RUNX1T1: variants seen among roughly 807,000 people sequenced by gnomAD.
RUNX1T1 encodes protein CBFA2T1.
In RUNX1T1, 4 loss-of-function variants were observed where a neutral mutation model predicts 62.8. The observed-to-expected ratio is 0.06, with a 90% CI of 0.03 to 0.15. RUNX1T1 has a LOEUF of 0.15. Ranked by LOEUF, RUNX1T1 falls within the 10% of genes least tolerant of loss-of-function variation. The probability of loss-of-function intolerance (pLI) is 1.00; values close to 1 mark genes in which losing one functional copy is unlikely to be tolerated. For synonymous variants in RUNX1T1, 291 were observed against 286.0 expected, an observed-to-expected ratio of 1.02 and a Z score of -0.18; for missense variants, 508 against 754.3, an observed-to-expected ratio of 0.67 and a Z score of 3.82.
chr8:92,099,490 GATGA>G (rs1837941719), intron 1 of RUNX1T1: 1 of 245,822 alleles, frequency 4.1e-6, no homozygotes, highest in Non-Finnish European at 6.5e-6. Flanking sequence ...ATCACTATAT[GATGA>G]ATAAGGTGTC....
intron 1 of RUNX1T1, among the ~76,000 whole-genome samples, chr8:92,033,510 C>A (rs2131330076): frequency 6.6e-6 from 1 of 152,238 alleles, no homozygotes; most frequent in Middle Eastern, 3.4e-3. Flanking sequence ...TCAGGCCAGG[C>A]ACAGTGGCTC....
Position 91,994,015 on chromosome 8 carries a change from A to C in RUNX1T1, c.660-2126T>G, listed in dbSNP as rs370915838. Among the ~76,000 whole-genome samples, 702 of 152,126 alleles carry C rather than the reference A, an allele frequency of 4.6e-3. 6 individuals carry two copies. The highest frequency in any genetic ancestry group is 0.015 in the African/African-American group (610 of 41,490). On this transcript the variant is annotated intron_variant, in intron 5 of 10. Coordinates refer to ENST00000396218, the Ensembl canonical transcript of RUNX1T1. Reference sequence around the variant, plus strand: ...CTTAAAACAACAACAACAACAACAAAAAAACTGAGGGTAAATCTGCAGAGC... The same window carrying C: ...CTTAAAACAACAACAACAACAACAACAAAACTGAGGGTAAATCTGCAGAGC...
chr8:92,100,440 A>T (rs957994858), upstream of RUNX1T1, among the ~76,000 whole-genome samples: 1 of 152,254 alleles, frequency 6.6e-6, no homozygotes, highest in African/African-American at 2.4e-5. Context: ...AAAAATATTT[A>T]ATAAAAAGTT....
intron 6 of RUNX1T1, 143 bp from the exon 8 acceptor site, chr8:91,987,115 T>C: frequency 3.1e-6 from 2 of 644,554 alleles, no homozygotes; most frequent in East Asian, 5.3e-5. Flanking sequence ...CATATTTAGA[T>C]TCAGAATTAC....
At chr8:92,089,439 C>T (rs1026977744) in intron 1 of RUNX1T1, among the ~76,000 whole-genome samples, 12 of 152,128 alleles carry the variant, frequency 7.9e-5, no homozygotes, top group African/African-American at 2.9e-4. Context: ...TTCAATTAAA[C>T]AAGCTACCAG....
At chr8:92,073,080 T>C (rs1289821031) in intron 2 of RUNX1T1, among the ~76,000 whole-genome samples, 1 of 152,136 alleles carries the variant, frequency 6.6e-6, no homozygotes, top group Non-Finnish European at 1.5e-5. Flanking sequence ...AGAAAACATA[T>C]GGATCTTTTT....
At chr8:91,986,431 T>C in intron 7 of RUNX1T1, 106 bp from the exon 9 acceptor site, 1 of 847,590 alleles carries the variant, frequency 1.2e-6, no homozygotes, top group Non-Finnish European at 1.9e-6. Context: ...GAAGCAATTT[T>C]ATCCCTGAAG....
At chr8:91,969,800 C>A (rs1420603799) in intron 10 of RUNX1T1, among the ~76,000 whole-genome samples, 2 of 152,048 alleles carry the variant, frequency 1.3e-5, no homozygotes, top group African/African-American at 4.8e-5. Context: ...TGTAGTAGAC[C>A]ATTGATTTAT....
rs116912122 is a variant in RUNX1T1, at chr8:92,003,510, T to C, written c.659+1606A>G. ...TGCAGGATCATCTCTACATTTATCTTAGCTATCTAAATCTTTCCCTGTTAC... is the reference window on the plus strand; with the variant it reads ...TGCAGGATCATCTCTACATTTATCTCAGCTATCTAAATCTTTCCCTGTTAC... On this transcript the variant is annotated intron_variant, in intron 5 of 10. Coordinates refer to ENST00000396218, the Ensembl canonical transcript of RUNX1T1. The C allele has an allele frequency of 1.2e-3, 505 of 405,982 alleles. 5 individuals carry two copies. The East Asian group carries it at 0.031, about 25-fold the overall frequency. 25.1% of individuals were successfully genotyped at this position (405,982 alleles called of 1,614,324 possible).
At chr8:91,989,772 A>C (rs1201852200) in intron 6 of RUNX1T1, among the ~76,000 whole-genome samples, 1 of 152,184 alleles carries the variant, frequency 6.6e-6, no homozygotes, top group Non-Finnish European at 1.5e-5. Context: ...CTTTGTGTAG[A>C]AGGGAGTTGT....
intron 8 of RUNX1T1, chr8:91,979,967 T>C (rs1814851743): frequency 2.5e-6 from 1 of 407,092 alleles, no homozygotes; most frequent in Non-Finnish European, 4.8e-6. Flanking sequence ...ATCATGATAA[T>C]ATCTATTACA....
intron 10 of RUNX1T1, among the ~76,000 whole-genome samples, chr8:91,964,396 G>A (rs1237630758): frequency 3.3e-5 from 5 of 152,014 alleles, no homozygotes; most frequent in African/African-American, 1.2e-4. Flanking sequence ...GCACAAAATC[G>A]ATGTGTAATA....
At chr8:92,044,524 A>AC (rs1829043010) in intron 1 of RUNX1T1, among the ~76,000 whole-genome samples, 1 of 152,226 alleles carries the variant, frequency 6.6e-6, no homozygotes, top group African/African-American at 2.4e-5. Context: ...CACCATGAAG[A>AC]GGTGGGCTGA....
chr8:91,955,920 C>G (rs928062184), downstream of RUNX1T1: 1 of 229,668 alleles, frequency 4.4e-6, no homozygotes, highest in African/African-American at 2.2e-5. Flanking sequence ...ACTGGATGTC[C>G]CAGCAAGTTG....
intron 1 of RUNX1T1, among the ~76,000 whole-genome samples, chr8:92,087,586 T>C (rs922878156): frequency 3.3e-5 from 5 of 152,168 alleles, no homozygotes; most frequent in African/African-American, 1.2e-4. Context: ...CCACGATCTA[T>C]GTAGCTATTT....
chr8:91,958,848 G>A (rs1418457730), downstream of RUNX1T1: 1 of 192,812 alleles, frequency 5.2e-6, no homozygotes, highest in Non-Finnish European at 1.1e-5. Context: ...GAAGCATGCT[G>A]GTTTTCAGGA....
chr8:92,008,382 TCTCTCTCACA>T (rs1821250608), intron 4 of RUNX1T1, among the ~76,000 whole-genome samples: 1 of 83,520 alleles, frequency 1.2e-5, no homozygotes, highest in African/African-American at 5.2e-5. Context: ...TCTCTCTCTC[TCTCTCTCACA>T]CACACACACA....
chr8:91,956,473 C>T (rs968056841), downstream of RUNX1T1: 34 of 226,644 alleles, frequency 1.5e-4, no homozygotes, highest in African/African-American at 7.1e-4. Context: ...CATGGCACAC[C>T]GGGGACGAGG....
intron 1 of RUNX1T1, among the ~76,000 whole-genome samples, chr8:92,078,813 T>C (rs183170378): frequency 1.1e-4 from 16 of 152,338 alleles, no homozygotes; most frequent in Admixed American, 6.5e-4. Flanking sequence ...AATGTAATCA[T>C]TGGCATACAG....
Sources: gnomAD v4.1 joint callset for allele counts (sites outside exome capture counted in the v4.1 genomes callset) on GRCh38, gnomAD v4.1.1 for gene constraint, MANE v1.5 for transcripts, NCBI Gene and HGNC (gene_info 2026-07-23, HGNC 2026-07-21) for gene names.